GRM7: variants seen among roughly 807,000 people sequenced by gnomAD.
GRM7 encodes glutamate metabotropic receptor 7, also known as metabotropic glutamate receptor 7.
In GRM7, 35 loss-of-function variants were observed where a neutral mutation model predicts 84.5. The observed-to-expected ratio is 0.41, with a 90% CI of 0.32 to 0.55. The LOEUF (loss-of-function observed/expected upper bound fraction) is 0.55, where lower values mean the gene tolerates loss of function less well. Among genes scored for constraint, GRM7 ranks in the 20% least tolerant of loss-of-function variants. GRM7 has a pLI of 0.19. For missense variants in GRM7, 1,003 were observed against 1,194.6 expected (o/e 0.84, Z 2.36); for synonymous variants, 487 against 455.1 (o/e 1.07, Z -0.89).
At chr3:7,149,405 T>C (rs1276693868) in intron 2 of GRM7, among the ~76,000 whole-genome samples, 1 of 152,114 alleles carries the variant, frequency 6.6e-6, no homozygotes, top group African/African-American at 2.4e-5. Context: ...TGATGTTCAA[T>C]TGAAGAAATA....
intron 7 of GRM7, among the ~76,000 whole-genome samples, chr3:7,487,144 T>C (rs1207354059): frequency 2.0e-5 from 3 of 152,086 alleles, no homozygotes; most frequent in Non-Finnish European, 4.4e-5. Context: ...GAGTGATGAA[T>C]TAGGATTTCT....
intron 1 of GRM7, among the ~76,000 whole-genome samples, chr3:7,070,493 C>T (rs548717726): frequency 9.1e-4 from 139 of 152,138 alleles, no homozygotes; most frequent in African/African-American, 3.3e-3. Context: ...GCTTCAGAAA[C>T]GGGTAATGGC....
chr3:7,026,276 G>A (rs1695979663), intron 1 of GRM7, among the ~76,000 whole-genome samples: 1 of 152,152 alleles, frequency 6.6e-6, no homozygotes, highest in Admixed American at 6.5e-5. Flanking sequence ...GCACCCTGTG[G>A]GCACTAGGAC....
intron 2 of GRM7, among the ~76,000 whole-genome samples, chr3:7,148,686 CT>C (rs1210828880): frequency 6.6e-6 from 1 of 152,130 alleles, no homozygotes; most frequent in East Asian, 1.9e-4. Flanking sequence ...TATATAATGA[CT>C]CTTCAAAAAG....
chr3:7,486,709 A>G lies in GRM7; in HGVS notation c.1515+24987A>G, dbSNP rs774575856. Among the ~76,000 whole-genome samples, 3 of 152,176 alleles carry G rather than the reference A, an allele frequency of 2.0e-5. No homozygotes were observed. Among genetic ancestry groups the G allele is most frequent in the Non-Finnish European group, 4.4e-5 (3 of 68,036 alleles). On this transcript the variant is annotated intron_variant, in intron 7 of 9. Coordinates refer to ENST00000357716, the MANE Select transcript of GRM7 (RefSeq NM_000844.4). This position sits in a 1 kb window ranked among gnomAD's most constrained non-coding sequence, Gnocchi z 5.5. ...ACTTCCCAGCCACCAGAATGATGAG[A>G]CAAATAAGGCTGTTTTTTAAAATAA...
At chr3:7,061,858 G>C (rs1487412739) in intron 1 of GRM7, among the ~76,000 whole-genome samples, 10 of 151,766 alleles carry the variant, frequency 6.6e-5, no homozygotes, top group Non-Finnish European at 1.5e-4. Context: ...GTCCAACTAA[G>C]AGTAGATATA....
intron 8 of GRM7, among the ~76,000 whole-genome samples, chr3:7,610,510 C>T (rs1047143654): frequency 1.3e-5 from 2 of 152,064 alleles, no homozygotes; most frequent in African/African-American, 4.8e-5. Flanking sequence ...TATTAAAATA[C>T]GTAGCTATGG....
At chr3:7,202,169 C>A (rs1371623183) in intron 2 of GRM7, among the ~76,000 whole-genome samples, 3 of 152,064 alleles carry the variant, frequency 2.0e-5, no homozygotes, top group Non-Finnish European at 4.4e-5. Flanking sequence ...ATCTGGTTTT[C>A]TTTTCCATGA....
At chr3:7,685,515 G>A (rs1399344510) in intron 9 of GRM7, among the ~76,000 whole-genome samples, 3 of 152,124 alleles carry the variant, frequency 2.0e-5, no homozygotes, top group Non-Finnish European at 4.4e-5. Context: ...TATGACTGAT[G>A]AACTCACTCT....
At chr3:6,984,329 G>A (rs940661637) in intron 1 of GRM7, among the ~76,000 whole-genome samples, 55 of 152,292 alleles carry the variant, frequency 3.6e-4, no homozygotes, top group African/African-American at 1.3e-3. Context: ...GTGCAAAAGT[G>A]TTGGGGAGAA....
rs1301159297 is a variant in GRM7, at chr3:7,151,447, A to T, written c.736+4779A>T. Among the ~76,000 whole-genome samples the T allele has an allele frequency of 1.3e-5, 2 of 151,864 alleles. No homozygotes were observed. Among genetic ancestry groups the T allele is most frequent in the Non-Finnish European group, 1.5e-5 (1 of 67,940 alleles). ...CAAACAAACAAACATACAAACAAAA[A>T]CCAGAGCTAGATGGATTTTCCTACT... On this transcript the variant is annotated intron_variant, in intron 2 of 9. Transcript: ENST00000357716. The surrounding 1 kb of genome is among the most constrained non-coding windows in gnomAD (Gnocchi z 4.5).
In GRM7 at chr3:7,330,231, C is replaced by T. The variant is rs570973123; in HGVS notation, c.1033+23579C>T. ...GCATCATCTTGATATGTTAGCAGCA[C>T]AGACATGTTCAAGATATACTTGACG... On this transcript the variant is annotated intron_variant, in intron 4 of 9. Coordinates refer to ENST00000357716, the MANE Select transcript of GRM7 (RefSeq NM_000844.4). 3.7e-4 allele frequency among the ~76,000 whole-genome samples: 56 copies of T among 152,164 alleles called. 1 individual carries two copies. Among genetic ancestry groups the T allele is most frequent in the East Asian group, 2.1e-3 (11 of 5,158 alleles).
intron 4 of GRM7, among the ~76,000 whole-genome samples, chr3:7,349,647 G>T (rs1038720419): frequency 3.9e-5 from 6 of 152,094 alleles, no homozygotes; most frequent in African/African-American, 1.4e-4. Flanking sequence ...ATAGTACCGG[G>T]CTGGCCAAAT....
At chr3:6,946,903 G>C (rs188322045) in intron 1 of GRM7, among the ~76,000 whole-genome samples, 99 of 152,262 alleles carry the variant, frequency 6.5e-4, no homozygotes, top group Non-Finnish European at 1.3e-3. Flanking sequence ...CATTGATTTT[G>C]TATCCTGAGA....
Position 7,198,122 on chromosome 3 carries a change from A to G in GRM7, c.736+51454A>G, listed in dbSNP as rs542674770. On this transcript the variant is annotated intron_variant, in intron 2 of 9. Coordinates refer to ENST00000357716, the MANE Select transcript of GRM7 (RefSeq NM_000844.4). ...GCTGTAGAATCAGCTTTTAAAGAAGATTAATGAAGTTAAGGAATAAAGGAT... is the reference window on the plus strand; with the variant it reads ...GCTGTAGAATCAGCTTTTAAAGAAGGTTAATGAAGTTAAGGAATAAAGGAT... 5.3e-5 allele frequency among the ~76,000 whole-genome samples: 8 copies of G among 151,006 alleles called. No individual in the cohort carries two copies. The East Asian group carries it at 1.6e-3, about 29-fold the overall frequency.
chr3:6,898,817 C>CA (rs951021516), intron 1 of GRM7, among the ~76,000 whole-genome samples: 8 of 103,264 alleles, frequency 7.7e-5, no homozygotes, highest in East Asian at 3.2e-4. Flanking sequence ...GATTCTATCT[C>CA]AAAAAAACAA....
intron 4 of GRM7, among the ~76,000 whole-genome samples, chr3:7,377,211 T>A (rs1198741587): frequency 6.8e-6 from 1 of 147,490 alleles, no homozygotes; most frequent in Non-Finnish European, 1.5e-5. Context: ...ATTGGCTGGG[T>A]TCCTAATATT....
intron 1 of GRM7, among the ~76,000 whole-genome samples, chr3:7,145,315 T>C (rs1341733914): frequency 4.6e-5 from 7 of 151,984 alleles, no homozygotes; most frequent in African/African-American, 7.3e-5. Context: ...TACGTGAAAA[T>C]TAATTGTATC....
At chr3:7,557,390 T>A (rs1693817007) in intron 7 of GRM7, among the ~76,000 whole-genome samples, 1 of 152,178 alleles carries the variant, frequency 6.6e-6, no homozygotes, top group Admixed American at 6.5e-5. Context: ...AACATCATGA[T>A]GTAGTTTTGC....
Sources: allele counts gnomAD v4.1 joint callset (sites outside exome capture counted in the v4.1 genomes callset), GRCh38; gene constraint gnomAD v4.1.1; non-coding constraint Gnocchi (gnomAD v3.1); transcripts MANE v1.5; gene names NCBI Gene and HGNC (gene_info 2026-07-23, HGNC 2026-07-21).